The following BCL11A variants were observed in gnomAD, a reference collection of about 807,000 sequenced individuals.
BCL11A encodes B cell CLL/lymphoma 11A.
A neutral mutation model predicts 55.9 loss-of-function variants in BCL11A; 2 were observed. The observed-to-expected ratio is 0.04, with a 90% CI of 0.01 to 0.11. BCL11A has a LOEUF of 0.11. Ranked by LOEUF, BCL11A falls within the 10% of genes least tolerant of loss-of-function variation. The probability of loss-of-function intolerance (pLI) is 1.00; values close to 1 mark genes in which losing one functional copy is unlikely to be tolerated. For synonymous variants in BCL11A, 465 were observed against 473.4 expected, an observed-to-expected ratio of 0.98 and a Z score of 0.23; for missense variants, 817 against 1,137.1, an observed-to-expected ratio of 0.72 and a Z score of 4.05.
chr2:60,502,158 T>C (rs1288118690), intron 2 of BCL11A, among the ~76,000 whole-genome samples: 2 of 152,156 alleles, frequency 1.3e-5, no homozygotes, highest in East Asian at 1.9e-4. Flanking sequence ...CAGAATGATA[T>C]GAATATTTGT....
chr2:60,521,097 ACACT>A (rs758186075), intron 2 of BCL11A, among the ~76,000 whole-genome samples: 4 of 74,922 alleles, frequency 5.3e-5, no homozygotes, highest in Admixed American at 2.6e-4. Flanking sequence ...ACACACACAC[ACACT>A]CACACACACA....
intron 2 of BCL11A, among the ~76,000 whole-genome samples, chr2:60,478,748 G>A (rs1677778738): frequency 6.6e-6 from 1 of 152,242 alleles, no homozygotes; most frequent in South Asian, 2.1e-4. Flanking sequence ...GCTGAATGAA[G>A]GAGCGCTCTG....
At chr2:60,485,768 G>A (rs1249532300) in intron 2 of BCL11A, among the ~76,000 whole-genome samples, 2 of 152,122 alleles carry the variant, frequency 1.3e-5, no homozygotes, top group African/African-American at 2.4e-5. Context: ...TGTGAACTAC[G>A]GGCTGAGCTC....
At chr2:60,473,029 G>A (rs538712921) in intron 2 of BCL11A, among the ~76,000 whole-genome samples, 36 of 131,222 alleles carry the variant, frequency 2.7e-4, no homozygotes, top group Admixed American at 1.1e-3. Context: ...GTGTGTTAGC[G>A]TGTGCATGCA....
chr2:60,518,288 A>C (rs752847004), intron 2 of BCL11A, among the ~76,000 whole-genome samples: 14 of 152,174 alleles, frequency 9.2e-5, no homozygotes, highest in Non-Finnish European at 1.5e-5. Flanking sequence ...TAATACATAA[A>C]ACATCATAGA....
rs753840883 is a variant in BCL11A, at chr2:60,460,400, A to G, written c.*4T>C. The G allele has an allele frequency of 6.3e-7, 1 of 1,583,528 alleles. No homozygotes were observed. The highest frequency in any genetic ancestry group is 8.6e-7 in the Non-Finnish European group (1 of 1,159,184). ...GGGAGTGAGGGAGGGGTATTAATAT[A>G]CCTCTATTCAGTTTTTATATCATTA... On this transcript the variant is annotated 3_prime_UTR_variant, in exon 4 of 4. Coordinates refer to ENST00000642384, the MANE Select transcript of BCL11A (RefSeq NM_022893.4).
rs772773949 is a variant in BCL11A at position 60,553,340 on chromosome 2, G to A, written c.-70C>T. 8.8e-5 allele frequency: 129 copies of A among 1,469,156 alleles called. No individual in the cohort carries two copies. The highest frequency in any genetic ancestry group is 2.2e-4 in the Admixed American group (10 of 45,632). The allele number at this position is 1,469,156 out of a possible 1,614,324, so 91.0% of individuals were successfully genotyped here. On this transcript the variant is annotated 5_prime_UTR_variant, in exon 1 of 4. It introduces an in-frame stop codon into an upstream open reading frame of the 5' UTR. Transcript: ENST00000642384. ...GGCGGACGACGGCTCGGTTCACATC[G>A]GGAGAGCCGGGTTAGAAAGAAGGAG...
chr2:60,487,536 T>A (rs1678350919), intron 2 of BCL11A, among the ~76,000 whole-genome samples: 1 of 152,142 alleles, frequency 6.6e-6, no homozygotes, highest in South Asian at 2.1e-4. Flanking sequence ...TGAATACAGA[T>A]TCAGATTAAG....
Position 60,457,478 on chromosome 2 carries a change from T to C in BCL11A, c.*2926A>G. 1.9e-6 allele frequency: 2 copies of C among 1,042,670 alleles called. No homozygotes were observed. The highest frequency in any genetic ancestry group is 4.6e-5 in the South Asian group (1 of 21,780). The allele number at this position is 1,042,670 out of a possible 1,614,324, so 64.6% of individuals were successfully genotyped here. ...GACTCCCATAGTAAAAGATAAAATT[T>C]CAAGTTACGACAAACAGCTTTCATT... On this transcript the variant is annotated 3_prime_UTR_variant, in exon 4 of 4. Transcript: ENST00000642384.
At chr2:60,517,145 G>A (rs1342438997) in intron 2 of BCL11A, among the ~76,000 whole-genome samples, 1 of 152,204 alleles carries the variant, frequency 6.6e-6, no homozygotes, top group Non-Finnish European at 1.5e-5. Context: ...GCGATTGAGA[G>A]GTGTCTTTAA....
At chr2:60,465,914 G>A (rs1435839465) in intron 3 of BCL11A, among the ~76,000 whole-genome samples, 2 of 152,146 alleles carry the variant, frequency 1.3e-5, no homozygotes, top group African/African-American at 4.8e-5. Context: ...AGGCCAAAAG[G>A]AGGCTCTAGT....
At chr2:60,484,568 T>C (rs1358438847) in intron 2 of BCL11A, 5 of 152,178 alleles carry the variant, frequency 3.3e-5, no homozygotes, top group Admixed American at 1.3e-4. Flanking sequence ...CCCTGCCTTT[T>C]AAATAATATT....
intron 2 of BCL11A, chr2:60,536,356 C>G (rs1669669582): frequency 6.6e-6 from 1 of 152,126 alleles, no homozygotes; most frequent in African/African-American, 2.4e-5. Flanking sequence ...GATTTCTTAA[C>G]TCTCTTATCC....
chr2:60,541,044 C>T (rs1313835456), intron 2 of BCL11A, among the ~76,000 whole-genome samples: 1 of 149,724 alleles, frequency 6.7e-6, no homozygotes, highest in Non-Finnish European at 1.5e-5. Flanking sequence ...ACACAGAGAA[C>T]GGGAGGGAAA....
chr2:60,504,482 C>T (rs556341970), intron 2 of BCL11A, among the ~76,000 whole-genome samples: 20 of 152,348 alleles, frequency 1.3e-4, no homozygotes, highest in African/African-American at 4.3e-4. Flanking sequence ...CCTCTGACTA[C>T]TTCTGGTTTG....
At chr2:60,468,586 G>A in intron 3 of BCL11A, 146 bp downstream of exon 3, 1 of 555,990 alleles carries the variant, frequency 1.8e-6, no homozygotes. Context: ...GGAGTGGGGA[G>A]CGGCTGCCAA....
intron 2 of BCL11A, chr2:60,542,014 G>C: frequency 1.5e-6 from 1 of 652,120 alleles, no homozygotes; most frequent in Non-Finnish European, 2.8e-6. Flanking sequence ...TTACTTTTAA[G>C]AGCATGCTAA....
chr2:60,498,737 T>C (rs1679099165), intron 2 of BCL11A, among the ~76,000 whole-genome samples: 2 of 152,274 alleles, frequency 1.3e-5, no homozygotes, highest in South Asian at 4.2e-4. Flanking sequence ...AGTGAGGTCA[T>C]CTATAGGTCC....
chr2:60,521,591 A>C (rs901973508), intron 2 of BCL11A, among the ~76,000 whole-genome samples: 1 of 152,042 alleles, frequency 6.6e-6, no homozygotes, highest in South Asian at 2.1e-4. Context: ...GCTCCCTTTC[A>C]TCTTCCATCT....
Sources: gnomAD v4.1 joint callset for allele counts (sites outside exome capture counted in the v4.1 genomes callset) on GRCh38, gnomAD v4.1.1 for gene constraint, MANE v1.5 for transcripts, NCBI Gene and HGNC (gene_info 2026-07-23, HGNC 2026-07-21) for gene names.